Variants in MARK1 observed in about 807,000 individuals in gnomAD.
The protein encoded by MARK1 is microtubule affinity regulating kinase 1, also known as serine/threonine-protein kinase MARK1.
MARK1 carries 40 observed loss-of-function variants against 96.3 expected under a neutral mutation model. That is an observed-to-expected ratio of 0.42 (90% CI 0.32 to 0.54). The LOEUF (loss-of-function observed/expected upper bound fraction) is 0.54, where lower values mean the gene tolerates loss of function less well. Among genes scored for constraint, MARK1 ranks in the 20% least tolerant of loss-of-function variants. MARK1 has a pLI of 0.16. For synonymous variants in MARK1, 317 were observed against 341.2 expected (o/e 0.93, Z 0.78); for missense variants, 719 against 984.6 (o/e 0.73, Z 3.61).
At chr1:220,582,867 G>A (rs924023820) in intron 3 of MARK1, among the ~76,000 whole-genome samples, 3 of 152,046 alleles carry the variant, frequency 2.0e-5, no homozygotes, top group Non-Finnish European at 4.4e-5. Flanking sequence ...TCTTTAACCC[G>A]TGAAAATAAA....
intron 1 of MARK1, among the ~76,000 whole-genome samples, chr1:220,543,492 C>T (rs1202466417): frequency 6.6e-6 from 1 of 152,094 alleles, no homozygotes; most frequent in Non-Finnish European, 1.5e-5. Context: ...GGAATGCATA[C>T]TTACACATTT....
chr1:220,636,068 T>G (rs1251869610), intron 13 of MARK1, 42 bp downstream of exon 13: 1 of 1,369,268 alleles, frequency 7.3e-7, no homozygotes, highest in Non-Finnish European at 9.8e-7. Context: ...TTGTAATAAC[T>G]TGTTTTAGGG....
intron 16 of MARK1, 64 bp downstream of exon 16, chr1:220,653,416 T>TAA (rs926122921): frequency 6.8e-7 from 1 of 1,479,730 alleles, no homozygotes; most frequent in Non-Finnish European, 9.1e-7. Flanking sequence ...CTAGACTTTT[T>TAA]AAAAAAATCT....
At chr1:220,639,961 G>A (rs552830724) in intron 13 of MARK1, among the ~76,000 whole-genome samples, 1 of 152,272 alleles carries the variant, frequency 6.6e-6, no homozygotes, top group Admixed American at 6.5e-5. Context: ...TTGTCTATTG[G>A]TGACATTGAT....
At chr1:220,594,406 C>G (rs1254976486) in intron 3 of MARK1, among the ~76,000 whole-genome samples, 1 of 152,190 alleles carries the variant, frequency 6.6e-6, no homozygotes, top group East Asian at 1.9e-4. Context: ...AACAGGAACT[C>G]TCATTTGTTG....
intron 1 of MARK1, among the ~76,000 whole-genome samples, chr1:220,574,579 A>G (rs1663702514): frequency 6.6e-6 from 1 of 152,160 alleles, no homozygotes; most frequent in Non-Finnish European, 1.5e-5. Context: ...GTAACAAGCC[A>G]GATTCTATGT....
intron 5 of MARK1, among the ~76,000 whole-genome samples, chr1:220,602,344 A>G (rs1558290321): frequency 1.3e-5 from 2 of 152,222 alleles, no homozygotes; most frequent in Non-Finnish European, 2.9e-5. Flanking sequence ...AACAACATTT[A>G]TAAAATGCTT....
chr1:220,574,265 A>G (rs1417834153), intron 1 of MARK1, among the ~76,000 whole-genome samples: 1 of 152,264 alleles, frequency 6.6e-6, no homozygotes, highest in Non-Finnish European at 1.5e-5. Context: ...GTGGTGGCCA[A>G]CAGGCCAAAT....
At chr1:220,635,341 T>TG (rs1558313249) in intron 11 of MARK1, 35 bp from the exon 12 acceptor site, 94 of 1,506,048 alleles carry the variant, frequency 6.2e-5, no homozygotes, top group Admixed American at 7.2e-5. Context: ...TTTTTTTTTT[T>TG]TGCTTTAAAA....
chr1:220,631,520 G>A lies in MARK1; in HGVS notation c.1009+386G>A, dbSNP rs534156812. Among the ~76,000 whole-genome samples the A allele has an allele frequency of 1.5e-3, 229 of 152,182 alleles. 3 individuals carry two copies. Among genetic ancestry groups the A allele is most frequent in the African/African-American group, 4.8e-3 (198 of 41,510 alleles). Reference sequence around the variant, plus strand: ...CACCGAATTAAGAGTTGAACACTTTGGCTCTCCCTTTCTTTTTCCACTGTC... The same window carrying A: ...CACCGAATTAAGAGTTGAACACTTTAGCTCTCCCTTTCTTTTTCCACTGTC... On this transcript the variant is annotated intron_variant, in intron 10 of 17. Transcript: ENST00000366917.
intron 15 of MARK1, among the ~76,000 whole-genome samples, 194 bp downstream of exon 15, chr1:220,652,344 T>A (rs1424179768): frequency 6.6e-6 from 1 of 152,260 alleles, no homozygotes; most frequent in African/African-American, 2.4e-5. Flanking sequence ...GCATATAACT[T>A]AAATCATTTT....
intron 6 of MARK1, among the ~76,000 whole-genome samples, chr1:220,609,871 A>G (rs1398376434): frequency 1.3e-5 from 2 of 152,190 alleles, no homozygotes; most frequent in African/African-American, 4.8e-5. Flanking sequence ...AATGTTGAAT[A>G]TTGGCCCCCA....
chr1:220,536,777 C>CG (rs1196561800), intron 1 of MARK1, among the ~76,000 whole-genome samples: 1 of 152,102 alleles, frequency 6.6e-6, no homozygotes, highest in East Asian at 1.9e-4. Flanking sequence ...AAACAGGTTT[C>CG]GCCATGTTGG....
chr1:220,551,884 G>A (rs1027904805), intron 1 of MARK1, among the ~76,000 whole-genome samples: 1 of 152,138 alleles, frequency 6.6e-6, no homozygotes. Flanking sequence ...CTTCAGCTGA[G>A]TTTTGTTCTT....
chr1:220,634,757 G>A (rs959806683), intron 11 of MARK1, among the ~76,000 whole-genome samples: 5 of 152,038 alleles, frequency 3.3e-5, no homozygotes, highest in Non-Finnish European at 5.9e-5. Flanking sequence ...ACAGAGAGAG[G>A]GATAGTGTGT....
intron 14 of MARK1, among the ~76,000 whole-genome samples, chr1:220,651,596 T>C (rs1668880374): frequency 1.3e-5 from 2 of 152,184 alleles, no homozygotes; most frequent in Non-Finnish European, 2.9e-5. Flanking sequence ...CAATTCTGAT[T>C]GTATGAATAA....
At chr1:220,621,275 A>G (rs1007276290) in intron 9 of MARK1, among the ~76,000 whole-genome samples, 1 of 152,024 alleles carries the variant, frequency 6.6e-6, no homozygotes, top group Non-Finnish European at 1.5e-5. Context: ...AGTTGTTTCC[A>G]TTGTTTTTGA....
At chr1:220,534,501 C>T (rs780777977) in intron 1 of MARK1, among the ~76,000 whole-genome samples, 6 of 152,046 alleles carry the variant, frequency 3.9e-5, no homozygotes, top group Non-Finnish European at 4.4e-5. Context: ...TTCATGAGAT[C>T]GCTTTTTTAA....
chr1:220,572,318 C>CACA (rs1407878697), intron 1 of MARK1, among the ~76,000 whole-genome samples: 2 of 152,072 alleles, frequency 1.3e-5, no homozygotes. Context: ...CTCTGCTCAC[C>CACA]ACAACCTCTG....
Sources: gnomAD v4.1 joint callset for allele counts (sites outside exome capture counted in the v4.1 genomes callset) on GRCh38, gnomAD v4.1.1 for gene constraint, MANE v1.5 for transcripts, NCBI Gene and HGNC (gene_info 2026-07-23, HGNC 2026-07-21) for gene names.